RNGTT: variants seen among roughly 807,000 people sequenced by gnomAD.
RNGTT encodes the protein mRNA-capping enzyme.
In RNGTT, 33 loss-of-function variants were observed where a neutral mutation model predicts 79.3. The ratio of observed to expected loss-of-function variants is 0.42; its 90% confidence interval spans 0.32 to 0.56. The LOEUF is 0.56. RNGTT is among the 20% of genes least tolerant of loss of function. The pLI is 0.17. For missense variants in RNGTT, 497 were observed against 739.1 expected (o/e 0.67, Z 3.80); for synonymous variants, 222 against 235.9 (o/e 0.94, Z 0.54).
chr6:88,945,797 G>A (rs1390781489), intron 1 of RNGTT, among the ~76,000 whole-genome samples: 1 of 152,090 alleles, frequency 6.6e-6, no homozygotes, highest in Non-Finnish European at 1.5e-5. Context: ...TTAGCTATAC[G>A]ACTACCAAGC....
At chr6:88,799,348 G>C (rs769195368) in intron 12 of RNGTT, among the ~76,000 whole-genome samples, 1 of 152,024 alleles carries the variant, frequency 6.6e-6, no homozygotes, top group Non-Finnish European at 1.5e-5. Context: ...GGTAATGCTG[G>C]CGAACAGGGA....
intron 14 of RNGTT, among the ~76,000 whole-genome samples, chr6:88,631,957 C>T (rs1264640756): frequency 6.6e-6 from 1 of 151,978 alleles, no homozygotes; most frequent in East Asian, 1.9e-4. Flanking sequence ...TCCACCTAGG[C>T]CAACTCTTTA....
intron 11 of RNGTT, among the ~76,000 whole-genome samples, chr6:88,804,607 T>C (rs1779897427): frequency 6.6e-6 from 1 of 152,194 alleles, no homozygotes; most frequent in Non-Finnish European, 1.5e-5. Context: ...AATCTAAAAA[T>C]GTTATTAATA....
intron 14 of RNGTT, among the ~76,000 whole-genome samples, chr6:88,656,333 T>C (rs1773976437): frequency 6.6e-6 from 1 of 152,214 alleles, no homozygotes; most frequent in Non-Finnish European, 1.5e-5. Flanking sequence ...GTGGATATGT[T>C]AAGCATGTCC....
chr6:88,941,296 G>A (rs1784839484), intron 1 of RNGTT, 116 bp from the exon 2 acceptor site: 2 of 664,876 alleles, frequency 3.0e-6, no homozygotes, highest in African/African-American at 1.8e-5. Context: ...GAGACCAAGT[G>A]TCGCTCTGTC....
chr6:88,833,560 C>T (rs574684600), intron 11 of RNGTT, among the ~76,000 whole-genome samples: 10 of 152,176 alleles, frequency 6.6e-5, no homozygotes, highest in African/African-American at 2.4e-4. Flanking sequence ...CACATGTATC[C>T]CAGAACTTAA....
At chr6:88,755,668 A>C (rs1321222119) in intron 13 of RNGTT, among the ~76,000 whole-genome samples, 3 of 152,010 alleles carry the variant, frequency 2.0e-5, no homozygotes, top group Non-Finnish European at 4.4e-5. Flanking sequence ...GGAGGATGAA[A>C]AGAACATCTT....
chr6:88,614,698 A>G (rs1772155841), intron 14 of RNGTT, among the ~76,000 whole-genome samples: 1 of 152,218 alleles, frequency 6.6e-6, no homozygotes, highest in Non-Finnish European at 1.5e-5. Flanking sequence ...CATGGGGACC[A>G]ATACCTTCAA....
chr6:88,848,306 A>C (rs1459488010), intron 10 of RNGTT, among the ~76,000 whole-genome samples: 1 of 152,026 alleles, frequency 6.6e-6, no homozygotes, highest in Non-Finnish European at 1.5e-5. Context: ...TCCATGATAC[A>C]CTAATGACGG....
intron 12 of RNGTT, among the ~76,000 whole-genome samples, chr6:88,791,485 T>C (rs1297039397): frequency 1.3e-5 from 2 of 152,174 alleles, no homozygotes; most frequent in East Asian, 1.9e-4. Context: ...AAAGTAGCCA[T>C]AGGAAACTAA....
chr6:88,668,910 T>A (rs914922471), intron 14 of RNGTT, among the ~76,000 whole-genome samples: 2 of 152,310 alleles, frequency 1.3e-5, no homozygotes, highest in Admixed American at 6.5e-5. Flanking sequence ...ACATTTGTCA[T>A]GAATTAGGAC....
intron 2 of RNGTT, among the ~76,000 whole-genome samples, chr6:88,930,171 C>T (rs1225397821): frequency 6.8e-6 from 1 of 146,806 alleles, no homozygotes; most frequent in Non-Finnish European, 1.5e-5. Context: ...TATACATATA[C>T]ATATATGTAT....
intron 12 of RNGTT, among the ~76,000 whole-genome samples, chr6:88,784,519 A>C (rs551114774): frequency 1.3e-5 from 2 of 152,288 alleles, no homozygotes; most frequent in East Asian, 3.9e-4. Context: ...AGTTTCAGGC[A>C]GAAGAAATAG....
intron 13 of RNGTT, among the ~76,000 whole-genome samples, chr6:88,765,217 T>C (rs1000641149): frequency 2.0e-5 from 3 of 151,920 alleles, no homozygotes; most frequent in African/African-American, 7.3e-5. Context: ...AAATTACATT[T>C]CATTCTTGTT....
chr6:88,658,563 T>C (rs1204557738), intron 14 of RNGTT, among the ~76,000 whole-genome samples: 1 of 152,208 alleles, frequency 6.6e-6, no homozygotes, highest in African/African-American at 2.4e-5. Context: ...ATGGTTAATA[T>C]TGAGTGTCAA....
intron 10 of RNGTT, among the ~76,000 whole-genome samples, chr6:88,849,172 T>A (rs1023872066): frequency 4.6e-5 from 7 of 152,008 alleles, no homozygotes; most frequent in African/African-American, 1.7e-4. Context: ...AAGCAGTACT[T>A]ATGAGGAATA....
chr6:88,674,332 G>A (rs1774775617), intron 14 of RNGTT, among the ~76,000 whole-genome samples: 4 of 152,128 alleles, frequency 2.6e-5, no homozygotes, highest in Admixed American at 2.6e-4. Flanking sequence ...TGGATCATTT[G>A]AGTCCAGGAG....
intron 14 of RNGTT, among the ~76,000 whole-genome samples, chr6:88,656,187 C>T (rs894715528): frequency 5.9e-5 from 9 of 152,152 alleles, no homozygotes; most frequent in African/African-American, 1.7e-4. Context: ...GTATAATGAA[C>T]TATATCGCTT....
intron 14 of RNGTT, among the ~76,000 whole-genome samples, chr6:88,646,932 G>C (rs1478805854): frequency 1.3e-5 from 2 of 152,098 alleles, no homozygotes; most frequent in Non-Finnish European, 2.9e-5. Flanking sequence ...TAATGTAAAT[G>C]AGGAGTTAAT....
Sources: gnomAD v4.1 joint callset for allele counts (sites outside exome capture counted in the v4.1 genomes callset) on GRCh38, gnomAD v4.1.1 for gene constraint, MANE v1.5 for transcripts, NCBI Gene and HGNC (gene_info 2026-07-23, HGNC 2026-07-21) for gene names.